Variants in PPP1R3B observed in about 807,000 individuals in gnomAD.
PPP1R3B encodes protein phosphatase 1 regulatory subunit 3B.
PPP1R3B carries 8 observed loss-of-function variants against 14.6 expected under a neutral mutation model. The observed-to-expected ratio is 0.55, with a 90% CI of 0.32 to 0.99. The LOEUF is 0.99. PPP1R3B is among the 50% of genes least tolerant of loss of function. The pLI is 0.04. For synonymous variants in PPP1R3B, 169 were observed against 142.0 expected (o/e 1.19, Z -1.35); for missense variants, 452 against 360.1 (o/e 1.26, Z -2.07).
chr8:9,147,715 T>G (rs1288910319), intron 1 of PPP1R3B, among the ~76,000 whole-genome samples: 1 of 151,622 alleles, frequency 6.6e-6, no homozygotes, highest in Non-Finnish European at 1.5e-5. Context: ...AGATCCCTTT[T>G]TATCACCAAG....
In PPP1R3B at chr8:9,136,767, C is replaced by T. The variant is rs763479499; in HGVS notation, c.*4027G>A. ...ATTTCAGTGAACATGTCAGGAGAGA[C>T]GTGATCGGGACTCTCCCAGGACTAC... On this transcript the variant is annotated 3_prime_UTR_variant, in exon 2 of 2. Coordinates refer to ENST00000310455, the MANE Select transcript of PPP1R3B (RefSeq NM_024607.4). 1.2e-4 allele frequency: 18 copies of T among 152,146 alleles called. No homozygotes were observed. The highest frequency in any genetic ancestry group is 2.1e-4 in the South Asian group (1 of 4,828). 9.4% of individuals were successfully genotyped at this position (152,146 alleles called of 1,614,324 possible).
upstream of PPP1R3B, among the ~76,000 whole-genome samples, chr8:9,151,134 G>A (rs983449833): frequency 6.6e-5 from 10 of 152,232 alleles, no homozygotes; most frequent in African/African-American, 2.4e-4. Flanking sequence ...GGCCCGGGAG[G>A]CGCTTCCCAG....
At position 9,138,115 on chromosome 8, in the gene PPP1R3B, T is replaced by C. The variant is rs1420161778; in HGVS notation, c.*2679A>G. The C allele has an allele frequency of 6.6e-6, 1 of 151,964 alleles. No homozygotes were observed. Among genetic ancestry groups the C allele is most frequent in the African/African-American group, 2.4e-5 (1 of 41,250 alleles). The allele number at this position is 151,964 out of a possible 1,614,324, so 9.4% of individuals were successfully genotyped here. A position where few individuals can be genotyped will look rare whatever the true frequency, so the allele number is the denominator to read the frequency against. On this transcript the variant is annotated 3_prime_UTR_variant, in exon 2 of 2. Transcript: ENST00000310455. ...TGCACTCTGTGCCTCTCCTGCATTG[T>C]GGGGAGGGCACTTCTTAAGGCAAAG...
At chr8:9,145,630 C>G (rs1160503328) in intron 1 of PPP1R3B, among the ~76,000 whole-genome samples, 2 of 152,106 alleles carry the variant, frequency 1.3e-5, no homozygotes, top group Admixed American at 1.3e-4. Flanking sequence ...CTCCCCTAGA[C>G]TCCATGTTGT....
intron 1 of PPP1R3B, among the ~76,000 whole-genome samples, chr8:9,147,133 C>T (rs1389188604): frequency 1.3e-5 from 2 of 151,988 alleles, no homozygotes; most frequent in African/African-American, 4.8e-5. Flanking sequence ...CTCGTGCCAC[C>T]ACCCCTGGGA....
intron 1 of PPP1R3B, among the ~76,000 whole-genome samples, chr8:9,145,755 A>T (rs1053650873): frequency 6.6e-6 from 1 of 152,234 alleles, no homozygotes; most frequent in African/African-American, 2.4e-5. Context: ...GGTTTGTATT[A>T]TATCTTCTAA....
intron 1 of PPP1R3B, among the ~76,000 whole-genome samples, chr8:9,150,300 CCT>C (rs1801380348): frequency 6.6e-6 from 1 of 152,182 alleles, no homozygotes; most frequent in Non-Finnish European, 1.5e-5. Context: ...TCTGTTTTCT[CCT>C]CTTTTTCAGA....
At chr8:9,142,145 G>C (rs972523789) in intron 1 of PPP1R3B, 2 of 160,930 alleles carry the variant, frequency 1.2e-5, no homozygotes, top group East Asian at 3.5e-4. Context: ...TGCCCAGGCT[G>C]GAGCGCAGTG....
Position 9,138,101 on chromosome 8 carries a change from C to T in PPP1R3B, c.*2693G>A, listed in dbSNP as rs186724992. 2 of 152,208 alleles carry T rather than the reference C, an allele frequency of 1.3e-5. No individual in the cohort carries two copies. Among genetic ancestry groups the T allele is most frequent in the Admixed American group, 1.3e-4 (2 of 15,292 alleles). The allele number at this position is 152,208 out of a possible 1,614,324, so 9.4% of individuals were successfully genotyped here. A position where few individuals can be genotyped will look rare whatever the true frequency, so the allele number is the denominator to read the frequency against. On this transcript the variant is annotated 3_prime_UTR_variant, in exon 2 of 2. Coordinates refer to ENST00000310455, the MANE Select transcript of PPP1R3B (RefSeq NM_024607.4). ...CATGTCAATGACAGTGCACTCTGTG[C>T]CTCTCCTGCATTGTGGGGAGGGCAC...
chr8:9,137,904 T>A lies in PPP1R3B; in HGVS notation c.*2890A>T, dbSNP rs556470275. Reference sequence around the variant, plus strand: ...GGTGAGCTGGGAGAAAGACGGGTAGTGGGGAGGGTTTACGGCTGCTTTAGA... The same window carrying A: ...GGTGAGCTGGGAGAAAGACGGGTAGAGGGGAGGGTTTACGGCTGCTTTAGA... On this transcript the variant is annotated 3_prime_UTR_variant, in exon 2 of 2. Coordinates refer to ENST00000310455, the MANE Select transcript of PPP1R3B (RefSeq NM_024607.4). 1 of 152,126 alleles carries A rather than the reference T, an allele frequency of 6.6e-6. No homozygotes were observed. Among genetic ancestry groups the A allele is most frequent in the Admixed American group, 6.5e-5 (1 of 15,288 alleles). 9.4% of individuals were successfully genotyped at this position (152,126 alleles called of 1,614,324 possible).
chr8:9,136,646 C>T lies in PPP1R3B; in HGVS notation c.*4148G>A, dbSNP rs1800899427. On this transcript the variant is annotated 3_prime_UTR_variant, in exon 2 of 2. Coordinates refer to ENST00000310455, the MANE Select transcript of PPP1R3B (RefSeq NM_024607.4). The stretch of plus-strand genomic sequence containing the variant: ...ACAACAGCTGTCCTTCCCAGTTCCA[C>T]ATGTGTTGTCTCACTGCAGGAAATT... 1 of 152,246 alleles carries T rather than the reference C, an allele frequency of 6.6e-6. No homozygotes were observed. The highest frequency in any genetic ancestry group is 2.1e-4 in the South Asian group (1 of 4,834). 9.4% of individuals were successfully genotyped at this position (152,246 alleles called of 1,614,324 possible).
rs1288849500 is a variant in PPP1R3B at position 9,139,321 on chromosome 8, C to T, written c.*1473G>A. On this transcript the variant is annotated 3_prime_UTR_variant, in exon 2 of 2. Coordinates refer to ENST00000310455, the MANE Select transcript of PPP1R3B (RefSeq NM_024607.4). Reference sequence around the variant, plus strand: ...CAGAGTTGGCAAACGTTTAAAATAACGTATAAGAACTTGGGTGAGGTTTTT... The same window carrying T: ...CAGAGTTGGCAAACGTTTAAAATAATGTATAAGAACTTGGGTGAGGTTTTT... 1 of 152,156 alleles carries T rather than the reference C, an allele frequency of 6.6e-6. No homozygotes were observed. Among genetic ancestry groups the T allele is most frequent in the East Asian group, 1.9e-4 (1 of 5,200 alleles). 9.4% of individuals were successfully genotyped at this position (152,156 alleles called of 1,614,324 possible).
At chr8:9,144,937 G>C (rs934416851) in intron 1 of PPP1R3B, among the ~76,000 whole-genome samples, 2 of 152,066 alleles carry the variant, frequency 1.3e-5, no homozygotes, top group Non-Finnish European at 2.9e-5. Flanking sequence ...GTAGAGACAG[G>C]GTTTCACCAT....
Position 9,137,321 on chromosome 8 carries a change from C to CA in PPP1R3B, c.*3472dup, listed in dbSNP as rs1230341679. 6.6e-6 allele frequency: 1 copy of CA among 152,244 alleles called. No individual in the cohort carries two copies. The highest frequency in any genetic ancestry group is 1.9e-4 in the East Asian group (1 of 5,178). 9.4% of individuals were successfully genotyped at this position (152,244 alleles called of 1,614,324 possible). ...GGCACTTGAGGGAATAAATATAAAACAAAAATGAAGTTGCTTCCCTATTGC... is the reference window on the plus strand; with the variant it reads ...GGCACTTGAGGGAATAAATATAAAACAAAAAATGAAGTTGCTTCCCTATTGC... On this transcript the variant is annotated 3_prime_UTR_variant, in exon 2 of 2. Coordinates refer to ENST00000310455, the MANE Select transcript of PPP1R3B (RefSeq NM_024607.4).
Position 9,140,375 on chromosome 8 carries a change from GAA to G in PPP1R3B, c.*417_*418del, listed in dbSNP as rs1801032298. On this transcript the variant is annotated 3_prime_UTR_variant, in exon 2 of 2. Coordinates refer to ENST00000310455, the MANE Select transcript of PPP1R3B (RefSeq NM_024607.4). ...TGGCTGGCAGAGAGCACCCAAAGAT[GAA>G]CACAATGAACAGTGAGGGTCTCACG... 1.9e-5 allele frequency: 4 copies of G among 206,262 alleles called. No individual in the cohort carries two copies. Among genetic ancestry groups the G allele is most frequent in the African/African-American group, 9.1e-5 (4 of 44,110 alleles). The allele number at this position is 206,262 out of a possible 1,614,324, so 12.8% of individuals were successfully genotyped here. A position where few individuals can be genotyped will look rare whatever the true frequency, so the allele number is the denominator to read the frequency against.
chr8:9,147,866 A>C (rs1039570434), intron 1 of PPP1R3B, among the ~76,000 whole-genome samples: 21 of 152,148 alleles, frequency 1.4e-4, no homozygotes, highest in African/African-American at 5.1e-4. Flanking sequence ...TAAGGTTATG[A>C]TGGCTCAAGA....
In PPP1R3B at chr8:9,137,752, CT is replaced by C. The variant is rs565406957; in HGVS notation, c.*3041del. On this transcript the variant is annotated 3_prime_UTR_variant, in exon 2 of 2. Coordinates refer to ENST00000310455, the MANE Select transcript of PPP1R3B (RefSeq NM_024607.4). ...ATGAGGAAACTCAGGCAAGTAGAGT[CT>C]TTTATTGGAGAAGAAGGGTCTTTGC... 2 of 152,200 alleles carry C rather than the reference CT, an allele frequency of 1.3e-5. No individual in the cohort carries two copies. Among genetic ancestry groups the C allele is most frequent in the Non-Finnish European group, 2.9e-5 (2 of 68,100 alleles). The allele number at this position is 152,200 out of a possible 1,614,324, so 9.4% of individuals were successfully genotyped here.
chr8:9,149,891 A>G (rs1801365484), intron 1 of PPP1R3B, among the ~76,000 whole-genome samples: 1 of 152,236 alleles, frequency 6.6e-6, no homozygotes. Context: ...AAAACGTACG[A>G]GGGAAAACAG....
Position 9,139,990 on chromosome 8 carries a change from A to C in PPP1R3B, c.*804T>G, listed in dbSNP as rs1181672104. ...GCTCCCCCTAGAAGGCAAAAGTAGA[A>C]GCTGAAAGTGTCCCCACTCTTGACT... On this transcript the variant is annotated 3_prime_UTR_variant, in exon 2 of 2. Transcript: ENST00000310455. 2.0e-5 allele frequency: 3 copies of C among 152,188 alleles called. No individual in the cohort carries two copies. Among genetic ancestry groups the C allele is most frequent in the Non-Finnish European group, 4.4e-5 (3 of 68,032 alleles). 9.4% of individuals were successfully genotyped at this position (152,188 alleles called of 1,614,324 possible). A position where few individuals can be genotyped will look rare whatever the true frequency, so the allele number is the denominator to read the frequency against.
Sources: gnomAD v4.1 joint callset for allele counts (sites outside exome capture counted in the v4.1 genomes callset) on GRCh38, gnomAD v4.1.1 for gene constraint, MANE v1.5 for transcripts, NCBI Gene and HGNC (gene_info 2026-07-23, HGNC 2026-07-21) for gene names.